The following IPCEF1 variants were observed in gnomAD, a reference collection of about 807,000 sequenced individuals.
IPCEF1 encodes the protein interactor protein for cytohesin exchange factors 1.
A neutral mutation model predicts 50.9 loss-of-function variants in IPCEF1; 31 were observed. That is an observed-to-expected ratio of 0.61 (90% CI 0.46 to 0.82). The LOEUF (loss-of-function observed/expected upper bound fraction) is 0.82, where lower values mean the gene tolerates loss of function less well. IPCEF1 is among the 40% of genes least tolerant of loss of function. The pLI is 0.00. For synonymous variants in IPCEF1, 181 were observed against 192.0 expected (o/e 0.94, Z 0.47); for missense variants, 458 against 514.0 (o/e 0.89, Z 1.05).
rs1002070673 is a variant in IPCEF1, at chr6:154,206,492, G to A, written c.537+6278C>T. Reference sequence around the variant, plus strand: ...TGTGCTAGGCACAGTCATAAATGATGTGGGTAAATGAAAAGATATTGGGCA... The same window carrying A: ...TGTGCTAGGCACAGTCATAAATGATATGGGTAAATGAAAAGATATTGGGCA... On this transcript the variant is annotated intron_variant, in intron 9 of 11. Transcript: ENST00000367220. Among the ~76,000 whole-genome samples the A allele has an allele frequency of 3.3e-5, 5 of 152,342 alleles. No homozygotes were observed. The South Asian group carries it at 1.0e-3, about 32-fold the overall frequency.
intron 2 of IPCEF1, among the ~76,000 whole-genome samples, chr6:154,270,381 A>G (rs1431166051): frequency 1.3e-5 from 2 of 152,238 alleles, no homozygotes; most frequent in South Asian, 2.1e-4. Context: ...AAGTGCTTAC[A>G]TACATAAAAA....
At chr6:154,200,483 G>A (rs988972406) in intron 9 of IPCEF1, among the ~76,000 whole-genome samples, 1 of 152,166 alleles carries the variant, frequency 6.6e-6, no homozygotes, top group Non-Finnish European at 1.5e-5. Context: ...CACTTTGGAA[G>A]ACCGAGACAG....
Position 154,199,912 on chromosome 6 carries a change from C to A in IPCEF1, c.666G>T (p.Leu222Phe), listed in dbSNP as rs1338753827. The stretch of plus-strand genomic sequence containing the variant: ...CAGACAAACTGTTAACTGTGTCAGG[C>A]AAGGATTGTCTCTCTTTAGATAAGG... Reference protein sequence around the residue: ...PSSLSKERQSLPDTVNSLSAA... With the variant: ...PSSLSKERQSFPDTVNSLSAA... The change falls in exon 10 of 12, where the codon TTG (leucine) becomes TTT (phenylalanine). Residue 222 changes from leucine (L) to phenylalanine (F), a missense_variant. By Grantham distance (22) the Leu-to-Phe change is conservative. Coordinates refer to ENST00000367220, the MANE Select transcript of IPCEF1 (RefSeq NM_001130700.2). 1.9e-6 allele frequency: 3 copies of A among 1,614,152 alleles called. No individual in the cohort carries two copies. In the South Asian group the frequency reaches 3.3e-5, roughly 18 times the overall value.
At chr6:154,303,498 A>G (rs1782851845) in intron 1 of IPCEF1, among the ~76,000 whole-genome samples, 1 of 152,198 alleles carries the variant, frequency 6.6e-6, no homozygotes, top group Non-Finnish European at 1.5e-5. Context: ...TTAACGACAT[A>G]ATACAGGACG....
intron 10 of IPCEF1, among the ~76,000 whole-genome samples, chr6:154,186,867 T>C (rs1201203220): frequency 6.6e-6 from 1 of 152,102 alleles, no homozygotes; most frequent in Non-Finnish European, 1.5e-5. Context: ...AGAGCAGCTC[T>C]TTTCAAATTT....
At chr6:154,203,409 T>C (rs1002713390) in intron 9 of IPCEF1, among the ~76,000 whole-genome samples, 1 of 152,172 alleles carries the variant, frequency 6.6e-6, no homozygotes, top group Non-Finnish European at 1.5e-5. Context: ...CCTTGAACAG[T>C]AGGGATTCAA....
At chr6:154,220,351 C>G (rs1397060697) in intron 7 of IPCEF1, among the ~76,000 whole-genome samples, 1 of 152,200 alleles carries the variant, frequency 6.6e-6, no homozygotes, top group Non-Finnish European at 1.5e-5. Flanking sequence ...ACCTCAAATA[C>G]AGCCTGATTC....
chr6:154,160,431 C>T (rs912698142), intron 11 of IPCEF1, among the ~76,000 whole-genome samples: 1 of 152,118 alleles, frequency 6.6e-6, no homozygotes, highest in Non-Finnish European at 1.5e-5. Context: ...AAAATTGGAA[C>T]GTAACACTTT....
At chr6:154,170,512 T>C (rs1246263800) in intron 10 of IPCEF1, among the ~76,000 whole-genome samples, 1 of 152,238 alleles carries the variant, frequency 6.6e-6, no homozygotes, top group African/African-American at 2.4e-5. Context: ...AAAGCAAAGA[T>C]GATGCACTCA....
intron 1 of IPCEF1, among the ~76,000 whole-genome samples, chr6:154,295,164 C>T (rs1396188610): frequency 6.6e-6 from 1 of 151,954 alleles, no homozygotes; most frequent in Non-Finnish European, 1.5e-5. Context: ...CGCCACTGCA[C>T]TCCAGCCTGG....
In IPCEF1 at chr6:154,209,983, G is replaced by A. The variant is rs954214913; in HGVS notation, c.537+2787C>T. Reference sequence around the variant, plus strand: ...AAATTTAAAGATACTTCTGAGTTCAGTGACCTAACTTACTGGCTTCATGAG... The same window carrying A: ...AAATTTAAAGATACTTCTGAGTTCAATGACCTAACTTACTGGCTTCATGAG... On this transcript the variant is annotated intron_variant, in intron 9 of 11. Transcript: ENST00000367220. 3.3e-5 allele frequency among the ~76,000 whole-genome samples: 5 copies of A among 152,182 alleles called. 1 individual carries two copies. The South Asian group carries it at 1.0e-3, about 31-fold the overall frequency.
At position 154,159,387 on chromosome 6, in the gene IPCEF1, CAA is replaced by C; in HGVS notation, c.*439_*440del. The C allele has an allele frequency of 5.7e-6, 1 of 175,566 alleles. No individual in the cohort carries two copies. 10.9% of individuals were successfully genotyped at this position (175,566 alleles called of 1,614,324 possible). On this transcript the variant is annotated 3_prime_UTR_variant, in exon 12 of 12. Coordinates refer to ENST00000367220, the MANE Select transcript of IPCEF1 (RefSeq NM_001130700.2). ...CTGCTCTAGAAAACATTCCTCCACT[CAA>C]ACAGTGATTTGGGCCACACAGCTTC...
intron 1 of IPCEF1, among the ~76,000 whole-genome samples, chr6:154,333,558 A>G (rs1260183411): frequency 6.6e-6 from 1 of 150,872 alleles, no homozygotes; most frequent in African/African-American, 2.4e-5. Context: ...CTTTATATAT[A>G]CATATATATA....
At chr6:154,229,984 A>G (rs12212773) in intron 5 of IPCEF1, among the ~76,000 whole-genome samples, 12,988 of 152,226 alleles carry the variant, frequency 0.085, 1,020 homozygotes, top group East Asian at 0.44. Context: ...TGACTGTGTG[A>G]TTCCATTTCT....
chr6:154,217,033 G>C (rs1228571009), intron 7 of IPCEF1: 1 of 158,646 alleles, frequency 6.3e-6, no homozygotes, highest in East Asian at 1.8e-4. Flanking sequence ...AATTCCCTAG[G>C]CTATCAAAGG....
At chr6:154,283,597 CA>C (rs907100613) in intron 2 of IPCEF1, among the ~76,000 whole-genome samples, 4 of 151,552 alleles carry the variant, frequency 2.6e-5, no homozygotes, top group East Asian at 1.9e-4. Context: ...GACTCCATCT[CA>C]AAAAAAATTA....
chr6:154,182,899 G>A (rs1483574951), intron 10 of IPCEF1, among the ~76,000 whole-genome samples: 1 of 152,150 alleles, frequency 6.6e-6, no homozygotes, highest in East Asian at 1.9e-4. Context: ...AGAACAGGGA[G>A]GCAAGAGAAA....
Position 154,168,242 on chromosome 6 carries a change from A to C in IPCEF1, c.911-129T>G. On this transcript the variant is annotated intron_variant, in intron 10 of 11. Coordinates refer to ENST00000367220, the MANE Select transcript of IPCEF1 (RefSeq NM_001130700.2). The surrounding 1 kb of genome is among the most constrained non-coding windows in gnomAD (Gnocchi z 4.1). ...CATCTCAGACTTCTCTCCGGAACTG[A>C]AAGACAATAAATGTTTGCTGTCTAA... The C allele has an allele frequency of 1.5e-6, 1 of 647,006 alleles. No individual in the cohort carries two copies. Among genetic ancestry groups the C allele is most frequent in the Non-Finnish European group, 2.5e-6 (1 of 398,524 alleles). 40.1% of individuals were successfully genotyped at this position (647,006 alleles called of 1,614,324 possible). A position where few individuals can be genotyped will look rare whatever the true frequency, so the allele number is the denominator to read the frequency against.
At chr6:154,272,560 C>G (rs1156992270) in intron 2 of IPCEF1, among the ~76,000 whole-genome samples, 3 of 152,182 alleles carry the variant, frequency 2.0e-5, no homozygotes, top group Non-Finnish European at 4.4e-5. Flanking sequence ...AAATAAAATG[C>G]ATTCCTGATC....
Sources: gnomAD v4.1 joint callset for allele counts (sites outside exome capture counted in the v4.1 genomes callset) on GRCh38, gnomAD v4.1.1 for gene constraint, Gnocchi (gnomAD v3.1) non-coding constraint, MANE v1.5 for transcripts, NCBI Gene and HGNC (gene_info 2026-07-23, HGNC 2026-07-21) for gene names.